Variants in VAC14 observed in about 807,000 individuals in gnomAD.
The protein encoded by VAC14 is protein VAC14 homolog.
VAC14 carries 47 observed loss-of-function variants against 85.3 expected under a neutral mutation model. That is an observed-to-expected ratio of 0.55 (90% CI 0.44 to 0.70). VAC14 has a LOEUF of 0.70. Among genes scored for constraint, VAC14 ranks in the 30% least tolerant of loss-of-function variants. The probability of loss-of-function intolerance (pLI) is 0.00; values close to 1 mark genes in which losing one functional copy is unlikely to be tolerated. For missense variants in VAC14, 861 were observed against 1,004.3 expected, an observed-to-expected ratio of 0.86 and a Z score of 1.93; for synonymous variants, 447 against 430.5, an observed-to-expected ratio of 1.04 and a Z score of -0.47.
intron 12 of VAC14, chr16:70,747,139 T>C (rs1356964600): frequency 6.6e-6 from 1 of 152,158 alleles, no homozygotes; most frequent in Non-Finnish European, 1.5e-5. Context: ...CACCAGGGAA[T>C]ATTATTTGGT....
At chr16:70,744,138 G>A (rs1257139712) in intron 13 of VAC14, among the ~76,000 whole-genome samples, 1 of 152,126 alleles carries the variant, frequency 6.6e-6, no homozygotes, top group African/African-American at 2.4e-5. Context: ...ACCAGCAGCC[G>A]ACCCAGATGG....
intron 18 of VAC14, chr16:70,689,641 G>A: frequency 1.0e-6 from 1 of 985,728 alleles, no homozygotes; most frequent in Non-Finnish European, 1.2e-6. Flanking sequence ...AAACATCTTG[G>A]ACATGTCTAC....
At chr16:70,754,759 T>C (rs765234260) in intron 12 of VAC14, among the ~76,000 whole-genome samples, 5 of 152,178 alleles carry the variant, frequency 3.3e-5, no homozygotes, top group Admixed American at 2.0e-4. Context: ...CGTATCTTAC[T>C]GCGTGATCTG....
At chr16:70,695,858 C>T in intron 16 of VAC14, 1 of 444,410 alleles carries the variant, frequency 2.3e-6, no homozygotes, top group Non-Finnish European at 4.1e-6. Flanking sequence ...CTCCTCTGCA[C>T]CCTCCCGGGC....
At chr16:70,729,485 G>C (rs1028964250) in intron 14 of VAC14, among the ~76,000 whole-genome samples, 7 of 152,028 alleles carry the variant, frequency 4.6e-5, no homozygotes, top group African/African-American at 1.4e-4. Flanking sequence ...TGAGCTGGCC[G>C]GTCACCTCCT....
chr16:70,728,146 C>A (rs1392905791), intron 14 of VAC14, among the ~76,000 whole-genome samples: 2 of 152,132 alleles, frequency 1.3e-5, no homozygotes, highest in African/African-American at 4.8e-5. Context: ...GGAGGCCAGC[C>A]TCAATTTCCA....
At chr16:70,692,788 G>A (rs1438121541) in intron 18 of VAC14, 33 bp downstream of exon 18, 47 of 1,581,664 alleles carry the variant, frequency 3.0e-5, no homozygotes, top group Non-Finnish European at 3.8e-5. Context: ...CCTGCTCAGG[G>A]GGCGGGGGCA....
intron 14 of VAC14, among the ~76,000 whole-genome samples, chr16:70,719,068 G>A (rs1035471000): frequency 2.6e-5 from 4 of 152,220 alleles, no homozygotes; most frequent in East Asian, 1.9e-4. Context: ...GCAGACCACC[G>A]CTGGCCTGGC....
intron 14 of VAC14, among the ~76,000 whole-genome samples, chr16:70,720,036 A>G (rs970691644): frequency 6.6e-6 from 1 of 152,212 alleles, no homozygotes; most frequent in Admixed American, 6.5e-5. Context: ...CATCCAACAC[A>G]GACGAATCTC....
In VAC14 at chr16:70,731,535, C is replaced by T. The variant is rs558322430; in HGVS notation, c.1621G>A (p.Glu541Lys). 6 of 1,614,064 alleles carry T rather than the reference C, an allele frequency of 3.7e-6. No homozygotes were observed. In the East Asian group the frequency reaches 6.7e-5, roughly 18 times the overall value. ...CCTCTGACCTCCAGGAGCTTCCGTTCGCTGCTGAATCTCTTGAGAAGGTTG... is the reference window on the plus strand; with the variant it reads ...CCTCTGACCTCCAGGAGCTTCCGTTTGCTGCTGAATCTCTTGAGAAGGTTG... The part of the protein sequence containing the change: ...MINLLKRFSS[E>K]RKLLEVRGPF... Residue 541 changes from glutamate to lysine, a missense_variant, in exon 14 of 19, where the codon GAA (glutamate) becomes AAA (lysine). Glu to Lys is a moderately conservative substitution (Grantham distance 56). Coordinates refer to ENST00000261776, the MANE Select transcript of VAC14 (RefSeq NM_018052.5).
At chr16:70,731,302 TG>T in intron 14 of VAC14, 192 bp downstream of exon 14, 2 of 1,421,616 alleles carry the variant, frequency 1.4e-6, no homozygotes, top group Non-Finnish European at 1.8e-6. Flanking sequence ...AACACTGACC[TG>T]TCTGTTTCAT....
chr16:70,702,793 C>T (rs141340740), intron 14 of VAC14, among the ~76,000 whole-genome samples: 1 of 152,192 alleles, frequency 6.6e-6, no homozygotes. Flanking sequence ...CCATTTTCCA[C>T]TACAGTCCCT....
At position 70,766,025 on chromosome 16, in the gene VAC14, C is replaced by T. The variant is rs571317907; in HGVS notation, c.1161-3000G>A. Among the ~76,000 whole-genome samples the T allele has an allele frequency of 3.3e-5, 5 of 151,854 alleles. No homozygotes were observed. The South Asian group carries it at 6.2e-4, about 19-fold the overall frequency. ...GTACATTCCTATGGTCCCAGCCACT[C>T]GGGAGGCTGAAGTGGGAGGATTATA... On this transcript the variant is annotated intron_variant, in intron 10 of 18. Coordinates refer to ENST00000261776, the MANE Select transcript of VAC14 (RefSeq NM_018052.5).
intron 13 of VAC14, among the ~76,000 whole-genome samples, chr16:70,736,784 CCCT>C (rs1272816464): frequency 2.6e-5 from 4 of 152,326 alleles, no homozygotes; most frequent in Middle Eastern, 3.4e-3. Context: ...AGACTTTCTG[CCCT>C]CCCCAAGACA....
chr16:70,748,891 C>T (rs373192087), intron 12 of VAC14, among the ~76,000 whole-genome samples: 1 of 152,092 alleles, frequency 6.6e-6, no homozygotes, highest in Non-Finnish European at 1.5e-5. Flanking sequence ...GAGCTGAGAT[C>T]GCACTACTTC....
At chr16:70,744,884 G>A in intron 12 of VAC14, 1 of 320,320 alleles carries the variant, frequency 3.1e-6, no homozygotes, top group East Asian at 6.4e-5. Context: ...ACAGGGCTCT[G>A]AGGGTCCCCA....
At chr16:70,734,942 A>G (rs564005087) in intron 13 of VAC14, among the ~76,000 whole-genome samples, 13 of 152,354 alleles carry the variant, frequency 8.5e-5, no homozygotes, top group African/African-American at 3.1e-4. Flanking sequence ...TTCAGAGCCC[A>G]TGTCCTTTGC....
At chr16:70,739,580 C>A (rs2030056575) in intron 13 of VAC14, among the ~76,000 whole-genome samples, 1 of 152,040 alleles carries the variant, frequency 6.6e-6, no homozygotes, top group Admixed American at 6.6e-5. Context: ...GGCTCTCGGG[C>A]CAGGCTCCTG....
chr16:70,747,971 G>A (rs1300853689), intron 12 of VAC14: 2 of 150,606 alleles, frequency 1.3e-5, no homozygotes, highest in East Asian at 3.9e-4. Context: ...CCCTTCGAGT[G>A]GCTCCAGGGC....
Sources: gnomAD v4.1 joint callset for allele counts (sites outside exome capture counted in the v4.1 genomes callset) on GRCh38, gnomAD v4.1.1 for gene constraint, MANE v1.5 for transcripts, NCBI Gene and HGNC (gene_info 2026-07-23, HGNC 2026-07-21) for gene names.